ZDHHC14: variants seen among roughly 807,000 people sequenced by gnomAD.
ZDHHC14 encodes the protein palmitoyltransferase ZDHHC14.
In ZDHHC14, 16 loss-of-function variants were observed where a neutral mutation model predicts 47.7. The observed-to-expected ratio is 0.34, with a 90% CI of 0.23 to 0.51. ZDHHC14 has a LOEUF of 0.51. Ranked by LOEUF, ZDHHC14 falls within the 20% of genes least tolerant of loss-of-function variation. The pLI is 0.97. For missense variants in ZDHHC14, 515 were observed against 662.5 expected, an observed-to-expected ratio of 0.78 and a Z score of 2.44; for synonymous variants, 293 against 278.9, an observed-to-expected ratio of 1.05 and a Z score of -0.50.
intron 3 of ZDHHC14, among the ~76,000 whole-genome samples, chr6:157,623,513 A>G (rs1342007659): frequency 2.7e-5 from 4 of 150,878 alleles, no homozygotes. Flanking sequence ...ATGCCCTTAT[A>G]GCAGCATGAG....
intron 3 of ZDHHC14, among the ~76,000 whole-genome samples, chr6:157,605,939 A>G (rs1784524251): frequency 6.6e-6 from 1 of 152,202 alleles, no homozygotes; most frequent in South Asian, 2.1e-4. Flanking sequence ...GAGCCCAGGC[A>G]AAGTCATAAA....
intron 2 of ZDHHC14, among the ~76,000 whole-genome samples, chr6:157,579,229 A>C (rs1279039225): frequency 1.9e-5 from 2 of 106,832 alleles, no homozygotes; most frequent in African/African-American, 7.4e-5. Context: ...ATGGAGTCTC[A>C]CTCTGTCGCC....
At chr6:157,656,008 T>C (rs963300511) in intron 8 of ZDHHC14, among the ~76,000 whole-genome samples, 3 of 152,240 alleles carry the variant, frequency 2.0e-5, no homozygotes, top group Admixed American at 2.0e-4. Context: ...CAAACAGTTA[T>C]TGAGCACCTA....
Position 157,540,076 on chromosome 6 carries a change from C to T in ZDHHC14, c.246-2509C>T, listed in dbSNP as rs971998033. Among the ~76,000 whole-genome samples the T allele has an allele frequency of 4.6e-5, 7 of 152,176 alleles. No individual in the cohort carries two copies. In the East Asian group the frequency reaches 7.7e-4, roughly 17 times the overall value. ...CAGCCCACTACGCAGTTAGAGAACC[C>T]GGCAGGCAGTAGGCCTCCCCGCGTC... On this transcript the variant is annotated intron_variant, in intron 1 of 8. Coordinates refer to ENST00000359775, the MANE Select transcript of ZDHHC14 (RefSeq NM_024630.3).
chr6:157,395,667 G>A lies in ZDHHC14; in HGVS notation c.245+13401G>A, dbSNP rs189913345. ...AAATTAGCCGGACGTGGTGGCACAC[G>A]CCTGTAGTCCCAGATACTCGGAAGG... is the stretch of plus-strand genomic sequence containing the variant. On this transcript the variant is annotated intron_variant, in intron 1 of 8. Coordinates refer to ENST00000359775, the MANE Select transcript of ZDHHC14 (RefSeq NM_024630.3). 3.4e-3 allele frequency among the ~76,000 whole-genome samples: 516 copies of A among 152,114 alleles called. 5 individuals carry two copies. Among genetic ancestry groups the A allele is most frequent in the African/African-American group, 0.012 (488 of 41,504 alleles).
At chr6:157,656,921 T>C (rs1471512755) in intron 8 of ZDHHC14, among the ~76,000 whole-genome samples, 1 of 152,084 alleles carries the variant, frequency 6.6e-6, no homozygotes, top group Non-Finnish European at 1.5e-5. Flanking sequence ...CATGGTGGGA[T>C]TGAGTAAGGA....
At chr6:157,449,068 T>A (rs1778743401) in intron 1 of ZDHHC14, among the ~76,000 whole-genome samples, 2 of 152,188 alleles carry the variant, frequency 1.3e-5, no homozygotes, top group African/African-American at 4.8e-5. Context: ...CCTCTTCACA[T>A]GTGGCTTGCC....
At chr6:157,607,152 A>G (rs113915660) in intron 3 of ZDHHC14, among the ~76,000 whole-genome samples, 4,734 of 152,262 alleles carry the variant, frequency 0.031, 251 homozygotes, top group African/African-American at 0.11. Flanking sequence ...ATTTAGAAAC[A>G]TGCTGGGAAG....
chr6:157,429,325 G>C (rs1041929121), intron 1 of ZDHHC14, among the ~76,000 whole-genome samples: 2 of 152,190 alleles, frequency 1.3e-5, no homozygotes, highest in African/African-American at 4.8e-5. Context: ...CCTTTGATAA[G>C]CATTGGTATT....
At chr6:157,645,893 A>G in intron 6 of ZDHHC14, 54 bp downstream of exon 6, 1 of 1,482,226 alleles carries the variant, frequency 6.7e-7, no homozygotes, top group Non-Finnish European at 9.4e-7. Context: ...TGGGCAATGG[A>G]GGAGAAAAAG....
chr6:157,538,025 C>T (rs1461153475), intron 1 of ZDHHC14, among the ~76,000 whole-genome samples: 1 of 152,168 alleles, frequency 6.6e-6, no homozygotes, highest in Admixed American at 6.5e-5. Flanking sequence ...GAAGGTGTCT[C>T]AGTAGCCCTG....
At chr6:157,461,273 A>G (rs1779081283) in intron 1 of ZDHHC14, among the ~76,000 whole-genome samples, 1 of 152,236 alleles carries the variant, frequency 6.6e-6, no homozygotes, top group African/African-American at 2.4e-5. Flanking sequence ...ATGGGGAAAG[A>G]TGCCTTTGAA....
chr6:157,646,971 G>A (rs1475185281), intron 6 of ZDHHC14, among the ~76,000 whole-genome samples: 1 of 152,148 alleles, frequency 6.6e-6, no homozygotes, highest in Admixed American at 6.5e-5. Context: ...CACTAAATGT[G>A]AGTATGAAAA....
rs1488890949 is a variant in ZDHHC14, at chr6:157,594,765, A to T, written c.565+1619A>T. ...TCTACAAATCAGCCTTTGTTTGATT[A>T]CCAGTACCCTTCCTGGTGACACCAG... is the stretch of plus-strand genomic sequence containing the variant. On this transcript the variant is annotated intron_variant, in intron 3 of 8. Transcript: ENST00000359775. 3.9e-5 allele frequency among the ~76,000 whole-genome samples: 6 copies of T among 152,204 alleles called. 1 individual carries two copies. The highest frequency in any genetic ancestry group is 9.7e-5 in the African/African-American group (4 of 41,448).
intron 7 of ZDHHC14, among the ~76,000 whole-genome samples, chr6:157,648,778 C>T (rs985999914): frequency 9.8e-5 from 15 of 152,352 alleles, no homozygotes; most frequent in African/African-American, 3.1e-4. Flanking sequence ...AGCAGAAAGT[C>T]TCTCAGGCAA....
At chr6:157,440,167 A>AATAATT (rs1382707618) in intron 1 of ZDHHC14, among the ~76,000 whole-genome samples, 21 of 150,616 alleles carry the variant, frequency 1.4e-4, no homozygotes, top group Admixed American at 8.6e-4. Flanking sequence ...GAACTTTAAT[A>AATAATT]ATAATAATAA....
rs146608061 is a variant in ZDHHC14, at chr6:157,527,487, A to G, written c.246-15098A>G. On this transcript the variant is annotated intron_variant, in intron 1 of 8. Transcript: ENST00000359775. ...TATTGAAGTCCTTTCATCTTGCACC[A>G]TGCAGCCTCAGAGTCTCCACCCAGG... 5.3e-5 allele frequency among the ~76,000 whole-genome samples: 8 copies of G among 152,330 alleles called. 1 individual carries two copies. The South Asian group carries it at 1.5e-3, about 28-fold the overall frequency.
chr6:157,486,792 A>G (rs9365033), intron 1 of ZDHHC14, among the ~76,000 whole-genome samples: 117,613 of 152,138 alleles, frequency 0.77, 45,702 homozygotes, highest in East Asian at 0.9. Context: ...CAGGCGTGGC[A>G]AGGATGGGTG....
intron 3 of ZDHHC14, among the ~76,000 whole-genome samples, chr6:157,624,878 T>C (rs1348420100): frequency 1.3e-5 from 2 of 152,188 alleles, no homozygotes; most frequent in Non-Finnish European, 2.9e-5. Context: ...GGGTAACTTA[T>C]AAAGAGCAGA....
Sources: gnomAD v4.1 joint callset for allele counts (sites outside exome capture counted in the v4.1 genomes callset) on GRCh38, gnomAD v4.1.1 for gene constraint, MANE v1.5 for transcripts, NCBI Gene and HGNC (gene_info 2026-07-23, HGNC 2026-07-21) for gene names.